The following FBXL17 variants were observed in gnomAD, a reference collection of about 807,000 sequenced individuals.
FBXL17 encodes the protein F-box/LRR-repeat protein 17.
Under a neutral mutation model 66.2 loss-of-function variants are expected in FBXL17, and 22 were observed. That is an observed-to-expected ratio of 0.33 (90% CI 0.24 to 0.47). FBXL17 has a LOEUF of 0.47. Among genes scored for constraint, FBXL17 ranks in the 20% least tolerant of loss-of-function variants. The pLI, the probability that FBXL17 is intolerant of heterozygous loss-of-function variation, is 1.00. For missense variants in FBXL17, 878 were observed against 948.2 expected (o/e 0.93, Z 0.97); for synonymous variants, 474 against 400.5 (o/e 1.18, Z -2.19).
intron 4 of FBXL17, among the ~76,000 whole-genome samples, chr5:108,347,321 G>T (rs994278699): frequency 2.0e-5 from 3 of 152,086 alleles, no homozygotes; most frequent in Admixed American, 6.5e-5. Context: ...AATCTTACAG[G>T]ACCACTACTG....
chr5:108,093,470 C>T (rs1361936844), intron 6 of FBXL17, among the ~76,000 whole-genome samples: 1 of 152,136 alleles, frequency 6.6e-6, no homozygotes, highest in Non-Finnish European at 1.5e-5. Context: ...AAAACGATTA[C>T]TACTAAAGAA....
chr5:108,014,958 C>T (rs1338047973), intron 7 of FBXL17, among the ~76,000 whole-genome samples: 4 of 152,034 alleles, frequency 2.6e-5, no homozygotes, highest in African/African-American at 4.8e-5. Context: ...TATTCACTAC[C>T]GCCACAACAG....
rs1750326914 is a variant in FBXL17, at chr5:107,921,706, C to T, written c.1823-40527G>A. Among the ~76,000 whole-genome samples the T allele has an allele frequency of 2.6e-5, 4 of 152,278 alleles. No individual in the cohort carries two copies. In the South Asian group the frequency reaches 6.2e-4, roughly 24 times the overall value. On this transcript the variant is annotated intron_variant, in intron 7 of 8. Transcript: ENST00000542267. ...GAGCTGCCCAAGGTGAACAGTCCAA[C>T]ACTTGGGCTTCCCCTTGGGAAGCTC...
chr5:108,262,094 T>TTTTTTA (rs1401680669), intron 4 of FBXL17, among the ~76,000 whole-genome samples: 8 of 149,632 alleles, frequency 5.3e-5, no homozygotes, highest in South Asian at 2.1e-4. Flanking sequence ...TTATTTTTTT[T>TTTTTTA]GAGACAGAGT....
intron 6 of FBXL17, among the ~76,000 whole-genome samples, chr5:108,049,767 G>T (rs1440862503): frequency 1.3e-5 from 2 of 152,156 alleles, no homozygotes; most frequent in Non-Finnish European, 2.9e-5. Context: ...TGGGCTAAAT[G>T]CTCCAATTAA....
intron 7 of FBXL17, among the ~76,000 whole-genome samples, chr5:107,957,872 T>TG (rs1278380792): frequency 2.0e-5 from 3 of 152,296 alleles, no homozygotes; most frequent in Middle Eastern, 3.4e-3. Context: ...ATTTTCCATG[T>TG]TCACAGAGCA....
intron 6 of FBXL17, among the ~76,000 whole-genome samples, chr5:108,108,935 CAT>C (rs1749921606): frequency 1.3e-5 from 2 of 151,982 alleles, no homozygotes; most frequent in Admixed American, 6.6e-5. Flanking sequence ...AGGCATGCAC[CAT>C]CACGCCCAGC....
intron 7 of FBXL17, among the ~76,000 whole-genome samples, chr5:107,920,431 A>G (rs918636741): frequency 4.6e-5 from 7 of 152,148 alleles, no homozygotes; most frequent in African/African-American, 1.7e-4. Context: ...GAATCTTAGT[A>G]TAGGAATTCC....
At chr5:108,061,964 C>A (rs765007639) in intron 6 of FBXL17, among the ~76,000 whole-genome samples, 2 of 151,744 alleles carry the variant, frequency 1.3e-5, no homozygotes, top group African/African-American at 2.4e-5. Context: ...AAGTGTGATG[C>A]GTATTTATTG....
chr5:108,079,651 T>C (rs892980230), intron 6 of FBXL17, among the ~76,000 whole-genome samples: 2 of 152,214 alleles, frequency 1.3e-5, no homozygotes, highest in Non-Finnish European at 2.9e-5. Context: ...TGTGTAATTA[T>C]AGGCTCACTG....
At chr5:108,132,138 A>T (rs1173689668) in intron 6 of FBXL17, among the ~76,000 whole-genome samples, 1 of 152,068 alleles carries the variant, frequency 6.6e-6, no homozygotes, top group Non-Finnish European at 1.5e-5. Flanking sequence ...CACCACGCCC[A>T]GCTAATTTTG....
chr5:108,232,318 T>G (rs186385951), intron 4 of FBXL17, among the ~76,000 whole-genome samples: 1 of 152,294 alleles, frequency 6.6e-6, no homozygotes, highest in East Asian at 1.9e-4. Flanking sequence ...AAGTTAGGTG[T>G]AATTATGACC....
intron 7 of FBXL17, among the ~76,000 whole-genome samples, chr5:107,895,983 A>G (rs1257403418): frequency 6.6e-6 from 1 of 152,126 alleles, no homozygotes; most frequent in Non-Finnish European, 1.5e-5. Context: ...GGTGACAGAC[A>G]ATGTAGATGG....
At chr5:107,922,143 A>T (rs1750345948) in intron 7 of FBXL17, among the ~76,000 whole-genome samples, 1 of 152,180 alleles carries the variant, frequency 6.6e-6, no homozygotes, top group African/African-American at 2.4e-5. Flanking sequence ...GGCATGCAGA[A>T]TCTCTGAAAG....
chr5:107,928,822 T>A (rs1304760750), intron 7 of FBXL17, among the ~76,000 whole-genome samples: 1 of 152,172 alleles, frequency 6.6e-6, no homozygotes, highest in Non-Finnish European at 1.5e-5. Context: ...TGTCTCTAAG[T>A]GTAAGCAGCC....
chr5:108,076,761 C>T (rs1333605435), intron 6 of FBXL17, among the ~76,000 whole-genome samples: 3 of 152,176 alleles, frequency 2.0e-5, no homozygotes, highest in East Asian at 3.9e-4. Flanking sequence ...GAGAGTCTGA[C>T]ACCTTTCAAA....
chr5:108,262,743 CA>C (rs11354333), intron 4 of FBXL17, among the ~76,000 whole-genome samples: 113,738 of 151,854 alleles, frequency 0.75, 42,960 homozygotes, highest in East Asian at 0.93. Flanking sequence ...AAACCACCAT[CA>C]AAAAAAAGAG....
At chr5:108,194,674 C>T (rs1233225080) in intron 5 of FBXL17, among the ~76,000 whole-genome samples, 1 of 152,150 alleles carries the variant, frequency 6.6e-6, no homozygotes, top group African/African-American at 2.4e-5. Context: ...TTGGCCTAAT[C>T]TGAGTCTCTG....
At chr5:108,227,351 A>C (rs186674377) in intron 4 of FBXL17, among the ~76,000 whole-genome samples, 3 of 152,280 alleles carry the variant, frequency 2.0e-5, no homozygotes, top group Admixed American at 1.3e-4. Flanking sequence ...CACCTCCAAA[A>C]AAATTTCCAT....
Sources: gnomAD v4.1 joint callset for allele counts (sites outside exome capture counted in the v4.1 genomes callset) on GRCh38, gnomAD v4.1.1 for gene constraint, MANE v1.5 for transcripts, NCBI Gene and HGNC (gene_info 2026-07-23, HGNC 2026-07-21) for gene names.